Variants in ARHGAP25 observed in about 807,000 individuals in gnomAD.
The protein encoded by ARHGAP25 is Rho GTPase activating protein 25.
Under a neutral mutation model 71.0 loss-of-function variants are expected in ARHGAP25, and 34 were observed. The ratio of observed to expected loss-of-function variants is 0.48; its 90% CI spans 0.36 to 0.64. The LOEUF (loss-of-function observed/expected upper bound fraction) is 0.64, where lower values mean the gene tolerates loss of function less well. ARHGAP25 is among the 30% of genes least tolerant of loss of function. The pLI is 0.00. For missense variants in ARHGAP25, 706 were observed against 805.1 expected (o/e 0.88, Z 1.49); for synonymous variants, 282 against 296.5 (o/e 0.95, Z 0.50).
intron 3 of ARHGAP25, among the ~76,000 whole-genome samples, 166 bp from the exon 4 acceptor site, chr2:68,787,674 C>T (rs566325620): frequency 3.3e-5 from 5 of 152,322 alleles, no homozygotes; most frequent in Admixed American, 3.3e-4. Flanking sequence ...TAAGAGTGCC[C>T]GGATATCCAG....
Position 68,735,172 on chromosome 2 carries a change from C to G in ARHGAP25, c.-28C>G, listed in dbSNP as rs756372791. On this transcript the variant is annotated 5_prime_UTR_variant, in exon 1 of 11. Transcript: ENST00000409202. Reference sequence around the variant, plus strand: ...AAACTGTGACAGACTCACCGCTTCACTAACTACTCACTTAAACTGGAAGCA... The same window carrying G: ...AAACTGTGACAGACTCACCGCTTCAGTAACTACTCACTTAAACTGGAAGCA... 6.3e-7 allele frequency: 1 copy of G among 1,598,616 alleles called. No individual in the cohort carries two copies. Among genetic ancestry groups the G allele is most frequent in the Non-Finnish European group, 8.6e-7 (1 of 1,166,184 alleles).
intron 5 of ARHGAP25, among the ~76,000 whole-genome samples, chr2:68,810,770 GCAGTGGTTTCACCCAGGCTAGAGTT>G: frequency 6.9e-6 from 1 of 144,632 alleles, no homozygotes; most frequent in African/African-American, 2.5e-5. Context: ...AGGCTAGAGT[GCAGTGGTTTCACCCAGGCTAGAGTT>G]CAGTGGTGTG....
At chr2:68,774,307 G>C (rs138167395) in intron 1 of ARHGAP25, among the ~76,000 whole-genome samples, 273 of 152,290 alleles carry the variant, frequency 1.8e-3, no homozygotes, top group African/African-American at 6.2e-3. Flanking sequence ...TGGAGGGAAG[G>C]AAAGGAGAGC....
chr2:68,804,631 C>A (rs529384953), intron 4 of ARHGAP25, among the ~76,000 whole-genome samples: 3 of 152,336 alleles, frequency 2.0e-5, no homozygotes, highest in Non-Finnish European at 4.4e-5. Context: ...AAAGCAGGAA[C>A]AAGGTCTTCC....
intron 4 of ARHGAP25, among the ~76,000 whole-genome samples, chr2:68,801,571 G>A (rs947568465): frequency 6.6e-6 from 1 of 152,164 alleles, no homozygotes; most frequent in African/African-American, 2.4e-5. Flanking sequence ...AATAGGTTTG[G>A]GGAAGTACTG....
chr2:68,744,137 C>T lies in ARHGAP25; in HGVS notation c.61+8877C>T, dbSNP rs1260034687. Among the ~76,000 whole-genome samples the T allele has an allele frequency of 3.9e-5, 6 of 152,252 alleles. No individual in the cohort carries two copies. In the East Asian group the frequency reaches 9.6e-4, roughly 24 times the overall value. ...TTGCTCACATTTTCTCCAGAAAGAT[C>T]GGGAGCCACATCTGTCAGTGTATTG... On this transcript the variant is annotated intron_variant, in intron 1 of 10. Transcript: ENST00000409202.
intron 2 of ARHGAP25, among the ~76,000 whole-genome samples, chr2:68,711,360 T>G (rs561110180): frequency 2.7e-4 from 41 of 152,232 alleles, no homozygotes; most frequent in African/African-American, 9.9e-4. Flanking sequence ...GCCAACCTCA[T>G]TATGATGATT....
chr2:68,746,142 C>G (rs1675797368), intron 1 of ARHGAP25, among the ~76,000 whole-genome samples: 1 of 152,158 alleles, frequency 6.6e-6, no homozygotes, highest in Admixed American at 6.5e-5. Flanking sequence ...TTCATTTTCC[C>G]CAAAGCTTTT....
At chr2:68,749,126 G>T (rs1297565009) in intron 1 of ARHGAP25, among the ~76,000 whole-genome samples, 2 of 152,076 alleles carry the variant, frequency 1.3e-5, no homozygotes, top group African/African-American at 4.8e-5. Flanking sequence ...GAAGGAAGAA[G>T]GAGGAAGAAC....
At chr2:68,775,673 C>A in intron 2 of ARHGAP25, 1 of 641,708 alleles carries the variant, frequency 1.6e-6, no homozygotes, top group Non-Finnish European at 2.8e-6. Context: ...TCAAGACTGG[C>A]AACAGGGCGG....
chr2:68,748,567 T>C (rs1675971407), intron 1 of ARHGAP25, among the ~76,000 whole-genome samples: 1 of 152,230 alleles, frequency 6.6e-6, no homozygotes. Flanking sequence ...TTTTGTGGAA[T>C]AGCCTGTGGC....
At chr2:68,789,195 G>T (rs983486982) in intron 4 of ARHGAP25, among the ~76,000 whole-genome samples, 3 of 151,994 alleles carry the variant, frequency 2.0e-5, no homozygotes, top group Admixed American at 6.5e-5. Flanking sequence ...ACCATGCCTG[G>T]CTAATCTTTT....
intron 1 of ARHGAP25, among the ~76,000 whole-genome samples, chr2:68,748,412 G>A (rs1675963981): frequency 6.6e-6 from 1 of 151,996 alleles, no homozygotes; most frequent in Non-Finnish European, 1.5e-5. Context: ...TCTTTATACT[G>A]TTATTTGTGC....
upstream of ARHGAP25, among the ~76,000 whole-genome samples, chr2:68,732,639 ACTCCGGCCCTTCTTCCACCC>A (rs1457594701): frequency 2.0e-5 from 3 of 151,530 alleles, no homozygotes; most frequent in African/African-American, 7.3e-5. Context: ...ATCAGCAAAC[ACTCCGGCCCTTCTTCCACCC>A]CTCCGGCCCT....
chr2:68,787,812 C>G (rs1419295665), intron 3 of ARHGAP25, 28 bp from the exon 4 acceptor site: 1 of 1,577,186 alleles, frequency 6.3e-7, no homozygotes, highest in Admixed American at 1.7e-5. Context: ...CACTCTAAGA[C>G]CTTCACAAGT....
At chr2:68,741,741 G>A (rs933750334) in intron 1 of ARHGAP25, among the ~76,000 whole-genome samples, 3 of 152,224 alleles carry the variant, frequency 2.0e-5, no homozygotes, top group African/African-American at 7.2e-5. Context: ...ACTGAGCATT[G>A]CAATTTATCT....
chr2:68,727,996 A>G (rs1243382397), intron 2 of ARHGAP25, among the ~76,000 whole-genome samples: 1 of 152,246 alleles, frequency 6.6e-6, no homozygotes, highest in Non-Finnish European at 1.5e-5. Context: ...TACATAGAAA[A>G]AAGTCTGCTG....
chr2:68,739,561 G>C (rs1675409615), intron 1 of ARHGAP25, among the ~76,000 whole-genome samples: 1 of 152,240 alleles, frequency 6.6e-6, no homozygotes, highest in Non-Finnish European at 1.5e-5. Context: ...AAGGCAGCTT[G>C]AGGAAAGAAT....
intron 2 of ARHGAP25, among the ~76,000 whole-genome samples, chr2:68,721,358 T>G (rs572801589): frequency 6.6e-6 from 1 of 152,360 alleles, no homozygotes; most frequent in East Asian, 1.9e-4. Flanking sequence ...AGTATGGATT[T>G]CTGACCTGAC....
Sources: allele counts gnomAD v4.1 joint callset (sites outside exome capture counted in the v4.1 genomes callset), GRCh38; gene constraint gnomAD v4.1.1; transcripts MANE v1.5; gene names NCBI Gene and HGNC (gene_info 2026-07-23, HGNC 2026-07-21).